Variants in STARD13 observed in about 807,000 individuals in gnomAD.
STARD13 encodes the protein StAR related lipid transfer domain containing 13.
STARD13 carries 62 observed loss-of-function variants against 106.4 expected under a neutral mutation model. That is an observed-to-expected ratio of 0.58 (90% CI 0.48 to 0.72). The LOEUF (loss-of-function observed/expected upper bound fraction) is 0.72. STARD13 is among the 30% of genes least tolerant of loss of function. STARD13 has a pLI of 0.00. For synonymous variants in STARD13, 565 were observed against 553.0 expected, an observed-to-expected ratio of 1.02 and a Z score of -0.31; for missense variants, 1,387 against 1,424.0, an observed-to-expected ratio of 0.97 and a Z score of 0.42.
rs143826779 is a variant in STARD13, at chr13:33,218,907, C to T, written c.170-51285G>A. ...TGCTTGGTTATGCTGAACAACACGG[C>T]ACTGAAAAAACAGAGAATACCTGTA... On this transcript the variant is annotated intron_variant, in intron 1 of 13. Transcript: ENST00000336934. Among the ~76,000 whole-genome samples the T allele has an allele frequency of 3.4e-3, 510 of 152,144 alleles. 4 individuals are homozygous for T. Among genetic ancestry groups the T allele is most frequent in the Admixed American group, 8.8e-3 (134 of 15,286 alleles).
chr13:33,236,374 C>T (rs543121936), intron 1 of STARD13, among the ~76,000 whole-genome samples: 19 of 152,238 alleles, frequency 1.2e-4, no homozygotes, highest in Non-Finnish European at 2.5e-4. Context: ...GGACCAGGTG[C>T]GAGGAGTTCC....
the STARD13 span, among the ~76,000 whole-genome samples, chr13:33,469,414 T>C: frequency 6.6e-6 from 1 of 152,332 alleles, no homozygotes; most frequent in South Asian, 2.1e-4. Flanking sequence ...GCTTGAGAGA[T>C]GTATTCAACA....
intron 1 of STARD13, among the ~76,000 whole-genome samples, chr13:33,318,664 A>G: frequency 6.6e-6 from 1 of 152,154 alleles, no homozygotes. Flanking sequence ...CTTGCAAATC[A>G]TGTATCTGAT....
At chr13:33,498,434 A>T in the STARD13 span, among the ~76,000 whole-genome samples, 1 of 152,196 alleles carries the variant, frequency 6.6e-6, no homozygotes, top group Admixed American at 6.5e-5. Flanking sequence ...CATGAATTCG[A>T]CTTTTTAAAA....
chr13:33,201,674 C>A (rs760875323), intron 1 of STARD13, among the ~76,000 whole-genome samples: 11 of 152,192 alleles, frequency 7.2e-5, no homozygotes, highest in Non-Finnish European at 1.2e-4. Context: ...CCTTCTGATA[C>A]TCAGATTATT....
chr13:33,386,574 G>T, the STARD13 span, among the ~76,000 whole-genome samples: 10 of 152,096 alleles, frequency 6.6e-5, no homozygotes, highest in Non-Finnish European at 1.2e-4. Context: ...GGGGGTCGAC[G>T]TGCAGCCTGG....
chr13:33,470,234 T>A, the STARD13 span, among the ~76,000 whole-genome samples: 1 of 152,282 alleles, frequency 6.6e-6, no homozygotes, highest in South Asian at 2.1e-4. Context: ...GAACTCATCC[T>A]TTTTTATGGC....
At chr13:33,399,562 G>T in the STARD13 span, among the ~76,000 whole-genome samples, 1 of 151,596 alleles carries the variant, frequency 6.6e-6, no homozygotes, top group Non-Finnish European at 1.5e-5. Flanking sequence ...TTAGCTGGGC[G>T]TGGTGGCTGG....
At chr13:33,382,229 GCAAATTA>G in the STARD13 span, among the ~76,000 whole-genome samples, 2 of 152,132 alleles carry the variant, frequency 1.3e-5, no homozygotes, top group African/African-American at 4.8e-5. Context: ...TTTCTTTCGA[GCAAATTA>G]CATTTCAAGT....
chr13:33,299,387 A>T (rs955105598), intron 1 of STARD13, among the ~76,000 whole-genome samples: 13 of 152,228 alleles, frequency 8.5e-5, no homozygotes, highest in African/African-American at 3.1e-4. Flanking sequence ...AGCAGTCTAA[A>T]CACTTTTTAT....
chr13:33,618,179 T>C, the STARD13 span, among the ~76,000 whole-genome samples: 2 of 152,388 alleles, frequency 1.3e-5, no homozygotes, highest in South Asian at 2.1e-4. Flanking sequence ...TCTCCATTAA[T>C]GGATTTTACA....
intron 12 of STARD13, among the ~76,000 whole-genome samples, chr13:33,108,680 G>T (rs775706768): frequency 7.9e-5 from 12 of 152,272 alleles, no homozygotes; most frequent in Middle Eastern, 3.4e-3. Context: ...CAGGCTGGTG[G>T]GGTTGCCGGA....
chr13:33,402,311 T>C, the STARD13 span, among the ~76,000 whole-genome samples: 1 of 152,246 alleles, frequency 6.6e-6, no homozygotes, highest in African/African-American at 2.4e-5. Flanking sequence ...AAACAAGCTG[T>C]GTAGTTCTTC....
At chr13:33,153,441 G>A (rs1472940492) in intron 3 of STARD13, among the ~76,000 whole-genome samples, 1 of 152,178 alleles carries the variant, frequency 6.6e-6, no homozygotes, top group Non-Finnish European at 1.5e-5. Context: ...GGAGGGACCA[G>A]GAAGAAGGAC....
At chr13:33,159,166 G>A (rs1353840867) in intron 3 of STARD13, among the ~76,000 whole-genome samples, 1 of 152,122 alleles carries the variant, frequency 6.6e-6, no homozygotes, top group Non-Finnish European at 1.5e-5. Flanking sequence ...AATGCCTTTG[G>A]GGGTATGTAT....
the STARD13 span, among the ~76,000 whole-genome samples, chr13:33,662,856 C>A: frequency 6.6e-6 from 1 of 152,128 alleles, no homozygotes; most frequent in Non-Finnish European, 1.5e-5. Flanking sequence ...ATATAAAAAG[C>A]TAATGAATAC....
chr13:33,192,793 G>A (rs1371666412), intron 1 of STARD13, among the ~76,000 whole-genome samples: 1 of 152,174 alleles, frequency 6.6e-6, no homozygotes, highest in African/African-American at 2.4e-5. Flanking sequence ...AGCTACTTGG[G>A]AGGCTGAGGC....
chr13:33,254,951 A>C (rs1455312121), intron 1 of STARD13, among the ~76,000 whole-genome samples: 1 of 152,018 alleles, frequency 6.6e-6, no homozygotes, highest in Non-Finnish European at 1.5e-5. Flanking sequence ...AGGATACAGA[A>C]AGCTGTCACA....
the STARD13 span, among the ~76,000 whole-genome samples, chr13:33,676,193 C>G: frequency 6.6e-6 from 1 of 152,118 alleles, no homozygotes; most frequent in Admixed American, 6.6e-5. Flanking sequence ...GAAGTTGTAG[C>G]GGCGGAGTTT....
Sources: allele counts gnomAD v4.1 joint callset (sites outside exome capture counted in the v4.1 genomes callset), GRCh38; gene constraint gnomAD v4.1.1; transcripts MANE v1.5; gene names NCBI Gene and HGNC (gene_info 2026-07-23, HGNC 2026-07-21).